Variants in SLC9B2 observed in about 807,000 individuals in gnomAD.
SLC9B2 encodes the protein sodium/hydrogen exchanger 9B2.
A neutral mutation model predicts 52.2 loss-of-function variants in SLC9B2; 39 were observed. The ratio of observed to expected loss-of-function variants is 0.75; its 90% confidence interval spans 0.58 to 0.98. The LOEUF (loss-of-function observed/expected upper bound fraction) is 0.98, where lower values mean the gene tolerates loss of function less well. Among genes scored for constraint, SLC9B2 ranks in the 50% least tolerant of loss-of-function variants. The pLI, the probability that SLC9B2 is intolerant of heterozygous loss-of-function variation, is 0.00. For missense variants in SLC9B2, 626 were observed against 637.5 expected, an observed-to-expected ratio of 0.98 and a Z score of 0.19; for synonymous variants, 214 against 227.0, an observed-to-expected ratio of 0.94 and a Z score of 0.51.
At chr4:103,072,224 A>G (rs1339782538) in intron 1 of SLC9B2, among the ~76,000 whole-genome samples, 1 of 151,716 alleles carries the variant, frequency 6.6e-6, no homozygotes, top group Non-Finnish European at 1.5e-5. Flanking sequence ...ATGCCCAGCT[A>G]CTTTTTCTAT....
At chr4:103,062,227 C>A (rs914667095) in intron 3 of SLC9B2, among the ~76,000 whole-genome samples, 1 of 152,096 alleles carries the variant, frequency 6.6e-6, no homozygotes, top group Non-Finnish European at 1.5e-5. Context: ...TCGAGACCAG[C>A]CTGACCAACA....
At chr4:103,062,068 A>G (rs1294399773) in intron 3 of SLC9B2, among the ~76,000 whole-genome samples, 1 of 152,234 alleles carries the variant, frequency 6.6e-6, no homozygotes, top group Non-Finnish European at 1.5e-5. Flanking sequence ...ATACTAAATT[A>G]TACTTTATCA....
chr4:103,057,830 G>A lies in SLC9B2; in HGVS notation c.413C>T (p.Pro138Leu), dbSNP rs544734273. The change falls in exon 4 of 12, where the codon CCT becomes CTT. Residue 138 changes from proline to leucine, a missense_variant. Coordinates refer to ENST00000394785, the MANE Select transcript of SLC9B2 (RefSeq NM_178833.7). ...AAGAGAAGGCAGTGGAGGCAATGTA[G>A]GTAACTTAATAAGCCCCAAAAGTTT... The part of the protein sequence containing the change: ...GGKLLGLIKL[P>L]TLPPLPSLLG... 8 of 1,613,836 alleles carry A rather than the reference G, an allele frequency of 5.0e-6. No homozygotes were observed. Among genetic ancestry groups the A allele is most frequent in the Middle Eastern group, 3.3e-4 (2 of 6,060 alleles).
In SLC9B2 at chr4:103,031,815, TAAC is replaced by T. The variant is rs1560541731; in HGVS notation, c.1147-10_1147-8del. Reference sequence around the variant, plus strand: ...TTATCTTTTCAACCTCTGCCTAAAATAACAATAAAACACACACAGATTTTTATT... The same window carrying T: ...TTATCTTTTCAACCTCTGCCTAAAATAATAAAACACACACAGATTTTTATT... On this transcript the variant is annotated splice_polypyrimidine_tract_variant and splice_region_variant and intron_variant, in intron 9 of 11. Transcript: ENST00000394785. The T allele has an allele frequency of 1.9e-6, 3 of 1,610,034 alleles. No individual in the cohort carries two copies. In the South Asian group the frequency reaches 3.3e-5, roughly 18 times the overall value.
At chr4:103,036,615 C>T (rs537763020) in intron 9 of SLC9B2, among the ~76,000 whole-genome samples, 3 of 143,874 alleles carry the variant, frequency 2.1e-5, no homozygotes, top group African/African-American at 5.1e-5. Flanking sequence ...GACACTAAAA[C>T]GGAGTAATTA....
intron 7 of SLC9B2, among the ~76,000 whole-genome samples, chr4:103,045,303 G>A (rs1744023292): frequency 6.6e-6 from 1 of 151,942 alleles, no homozygotes. Flanking sequence ...TGGTTTCTGT[G>A]GTCTCTTGTT....
At chr4:103,054,073 T>C (rs921249475) in intron 4 of SLC9B2, among the ~76,000 whole-genome samples, 6 of 151,534 alleles carry the variant, frequency 4.0e-5, no homozygotes, top group African/African-American at 1.5e-4. Context: ...AGCCCAGGAG[T>C]TCAAGACCTG....
chr4:103,050,802 T>G (rs1744609352), intron 4 of SLC9B2, among the ~76,000 whole-genome samples: 1 of 152,226 alleles, frequency 6.6e-6, no homozygotes, highest in Admixed American at 6.5e-5. Context: ...ACCTTCAGAT[T>G]AGATAATTTC....
chr4:103,029,587 A>G (rs1219008179), intron 10 of SLC9B2, among the ~76,000 whole-genome samples: 1 of 152,140 alleles, frequency 6.6e-6, no homozygotes, highest in African/African-American at 2.4e-5. Context: ...GTTAACATAC[A>G]CAGCTACTCC....
At chr4:103,076,955 C>G (rs1747240506), upstream of SLC9B2, 4 of 152,354 alleles carry the variant, frequency 2.6e-5, no homozygotes. Flanking sequence ...TTAAGGTGAC[C>G]AATTAAATGG....
At chr4:103,036,976 A>G (rs1479481573) in intron 9 of SLC9B2, among the ~76,000 whole-genome samples, 1 of 152,178 alleles carries the variant, frequency 6.6e-6, no homozygotes, top group African/African-American at 2.4e-5. Context: ...AATGAAAAAA[A>G]AATCAATTCT....
In SLC9B2 at chr4:103,038,039, T is replaced by C. The variant is rs550178741; in HGVS notation, c.1146+5257A>G. ...ACCACACCCGGGGAAGTTTTGTATT[T>C]TTAGTAGAGATGAGGTTTTGTCATG... On this transcript the variant is annotated intron_variant, in intron 9 of 11. Transcript: ENST00000394785. Among the ~76,000 whole-genome samples the C allele has an allele frequency of 7.2e-5, 11 of 152,180 alleles. No homozygotes were observed. The East Asian group carries it at 2.1e-3, about 29-fold the overall frequency.
Position 103,034,376 on chromosome 4 carries a change from T to C in SLC9B2, c.1147-2568A>G, listed in dbSNP as rs192247519. On this transcript the variant is annotated intron_variant, in intron 9 of 11. Transcript: ENST00000394785. Reference sequence around the variant, plus strand: ...CCCTAGAAGATCTAGGAAATACCAATCTGGACATTGGCCCAGGCAAAGACT... The same window carrying C: ...CCCTAGAAGATCTAGGAAATACCAACCTGGACATTGGCCCAGGCAAAGACT... Among the ~76,000 whole-genome samples, 194 of 152,196 alleles carry C rather than the reference T, an allele frequency of 1.3e-3. No homozygotes were observed. The Middle Eastern group carries it at 0.017, about 13-fold the overall frequency.
chr4:103,071,344 G>C (rs1746609148), intron 1 of SLC9B2, among the ~76,000 whole-genome samples: 1 of 150,528 alleles, frequency 6.6e-6, no homozygotes, highest in Non-Finnish European at 1.5e-5. Context: ...GCTAGGACTA[G>C]AGGCATGCAC....
downstream of SLC9B2, among the ~76,000 whole-genome samples, chr4:103,020,674 C>CT (rs1741723486): frequency 6.6e-6 from 1 of 152,154 alleles, no homozygotes; most frequent in African/African-American, 2.4e-5. Context: ...GGGTCTCACT[C>CT]TATTACCCCG....
downstream of SLC9B2, chr4:103,019,991 T>A: frequency 1.1e-6 from 1 of 937,524 alleles, no homozygotes. Flanking sequence ...TCAGATTGTG[T>A]TTCCCCTAAA....
At position 103,043,597 on chromosome 4, in the gene SLC9B2, T is replaced by C. The variant is rs182111730; in HGVS notation, c.997-152A>G. 294 of 696,328 alleles carry C rather than the reference T, an allele frequency of 4.2e-4. 2 individuals are homozygous for C. In the African/African-American group the frequency reaches 4.8e-3, roughly 11 times the overall value. The allele number at this position is 696,328 out of a possible 1,614,324, so 43.1% of individuals were successfully genotyped here. ...AGTGCACTACATAACATTTACTTTC[T>C]CTTCTTAAACAAAAGCAGAGTTAGC... On this transcript the variant is annotated intron_variant, in intron 8 of 11. Coordinates refer to ENST00000394785, the MANE Select transcript of SLC9B2 (RefSeq NM_178833.7).
In SLC9B2 at chr4:103,069,470, G is replaced by A. The variant is rs573959376; in HGVS notation, c.-42-1878C>T. 1.2e-4 allele frequency among the ~76,000 whole-genome samples: 18 copies of A among 152,294 alleles called. No individual in the cohort carries two copies. The South Asian group carries it at 2.9e-3, about 25-fold the overall frequency. ...GTGATTAGTTTCTTATTTATGAAAT[G>A]GAGACAAGAATAGTTCTAACTATGC... is the stretch of plus-strand genomic sequence containing the variant. On this transcript the variant is annotated intron_variant, in intron 1 of 11. Transcript: ENST00000394785.
rs963747100 is a variant in SLC9B2, at chr4:103,026,158, G to T, written c.*212C>A. 24 of 476,070 alleles carry T rather than the reference G, an allele frequency of 5.0e-5. No individual in the cohort carries two copies. Among genetic ancestry groups the T allele is most frequent in the Non-Finnish European group, 7.4e-5 (20 of 268,532 alleles). The allele number at this position is 476,070 out of a possible 1,614,324, so 29.5% of individuals were successfully genotyped here. A position where few individuals can be genotyped will look rare whatever the true frequency, so the allele number is the denominator to read the frequency against. Reference sequence around the variant, plus strand: ...GCAAATTAAGATGGATGATGAAGGGGTGTTTGAAAAAAAAGGCAGAGAGAT... The same window carrying T: ...GCAAATTAAGATGGATGATGAAGGGTTGTTTGAAAAAAAAGGCAGAGAGAT... On this transcript the variant is annotated 3_prime_UTR_variant, in exon 12 of 12. Coordinates refer to ENST00000394785, the MANE Select transcript of SLC9B2 (RefSeq NM_178833.7).
Sources: gnomAD v4.1 joint callset for allele counts (sites outside exome capture counted in the v4.1 genomes callset) on GRCh38, gnomAD v4.1.1 for gene constraint, MANE v1.5 for transcripts, NCBI Gene and HGNC (gene_info 2026-07-23, HGNC 2026-07-21) for gene names.